Variants in SPIRE2 observed in about 807,000 individuals in gnomAD.
SPIRE2 encodes protein spire homolog 2.
Under a neutral mutation model 80.7 loss-of-function variants are expected in SPIRE2, and 76 were observed. The observed-to-expected ratio is 0.94, with a 90% CI of 0.78 to 1.14. The LOEUF (loss-of-function observed/expected upper bound fraction) is 1.14. SPIRE2 is among the 50% of genes most tolerant of loss of function. The pLI is 0.00. For missense variants in SPIRE2, 1,196 were observed against 1,015.3 expected (o/e 1.18, Z -2.42); for synonymous variants, 535 against 432.6 (o/e 1.24, Z -2.94).
At chr16:89,830,734 G>A (rs911921768) in intron 1 of SPIRE2, among the ~76,000 whole-genome samples, 2 of 150,706 alleles carry the variant, frequency 1.3e-5, no homozygotes, top group African/African-American at 4.9e-5. Flanking sequence ...CAGTAGGTGT[G>A]TAAAACCACT....
intron 1 of SPIRE2, among the ~76,000 whole-genome samples, chr16:89,842,430 C>G (rs1028955110): frequency 1.6e-4 from 24 of 151,992 alleles, no homozygotes; most frequent in Non-Finnish European, 3.4e-4. Context: ...CCAGACTGGT[C>G]TTGAACTCCT....
intron 1 of SPIRE2, among the ~76,000 whole-genome samples, chr16:89,843,228 C>T (rs1486804065): frequency 6.6e-6 from 1 of 152,178 alleles, no homozygotes; most frequent in East Asian, 1.9e-4. Context: ...ACTCCTGGCA[C>T]TTATCAGCCC....
intron 1 of SPIRE2, among the ~76,000 whole-genome samples, chr16:89,840,638 T>A (rs1268248339): frequency 1.3e-3 from 29 of 21,928 alleles, no homozygotes; most frequent in Admixed American, 0.01. Flanking sequence ...GTTTTCAAAT[T>A]TTTTTTTTTT....
chr16:89,849,764 A>C (rs2041603191), intron 2 of SPIRE2: 1 of 246,466 alleles, frequency 4.1e-6, no homozygotes, highest in South Asian at 4.3e-5. Flanking sequence ...GGTCCCTGTC[A>C]AGTAAAATCG....
intron 9 of SPIRE2, among the ~76,000 whole-genome samples, chr16:89,860,347 C>A (rs567175693): frequency 6.6e-6 from 1 of 152,240 alleles, no homozygotes. Context: ...CAGCCTTGGC[C>A]TCCTGGGCTC....
chr16:89,833,129 T>A (rs1465479612), intron 1 of SPIRE2, among the ~76,000 whole-genome samples: 1 of 152,060 alleles, frequency 6.6e-6, no homozygotes, highest in Non-Finnish European at 1.5e-5. Flanking sequence ...GTAGCTGGGA[T>A]TACAGGCATG....
intron 1 of SPIRE2, among the ~76,000 whole-genome samples, chr16:89,844,704 C>T (rs1030139913): frequency 6.6e-5 from 10 of 152,190 alleles, no homozygotes; most frequent in Non-Finnish European, 1.5e-4. Flanking sequence ...TCCCAAAGTG[C>T]CGGGATTACA....
intron 1 of SPIRE2, among the ~76,000 whole-genome samples, chr16:89,831,808 G>A (rs1307838427): frequency 6.6e-6 from 1 of 151,028 alleles, no homozygotes; most frequent in Non-Finnish European, 1.5e-5. Flanking sequence ...CCTTCTGCCC[G>A]GCTCTCAGGC....
rs1260547218 is a variant in SPIRE2, at chr16:89,870,246, A to G, written c.2119A>G (p.Asn707Asp). The change falls in exon 15 of 15, where the codon AAC (asparagine) becomes GAC (aspartate). Residue 707 changes from asparagine (N) to aspartate (D), a missense_variant. Asn to Asp is a conservative substitution (Grantham distance 23). Coordinates refer to ENST00000378247, the MANE Select transcript of SPIRE2 (RefSeq NM_032451.2). ...SRQTQSLYIP[N>D]TRTLDFK The stretch of plus-strand genomic sequence containing the variant: ...CCAGACCCAATCCCTCTACATCCCT[A>G]ACACCAGGACTCTTGACTTCAAGTG... 1 of 1,601,294 alleles carries G rather than the reference A, an allele frequency of 6.2e-7. No individual in the cohort carries two copies. The highest frequency in any genetic ancestry group is 8.5e-7 in the Non-Finnish European group (1 of 1,174,342).
In SPIRE2 at chr16:89,854,610, C is replaced by T. The variant is rs751578348; in HGVS notation, c.850C>T (p.Gln284Ter). 6.3e-6 allele frequency: 10 copies of T among 1,595,578 alleles called. No individual in the cohort carries two copies. The highest frequency in any genetic ancestry group is 6.0e-6 in the Non-Finnish European group (7 of 1,169,020). Residue 284 changes from glutamine to a stop codon, truncating the protein, a stop_gained, in exon 5 of 15, where the codon CAG (glutamine) becomes TAG (stop). Coordinates refer to ENST00000378247, the MANE Select transcript of SPIRE2 (RefSeq NM_032451.2). LOFTEE classifies it high-confidence loss of function. The part of the protein sequence containing the change: ...FQLTPFEMLM[Q>*]DIRARNYKLR... Reference sequence around the variant, plus strand: ...GCTCACGCCCTTCGAGATGCTGATGCAGGACATCCGGGCCCGGAACTACAA... The same window carrying T: ...GCTCACGCCCTTCGAGATGCTGATGTAGGACATCCGGGCCCGGAACTACAA...
At chr16:89,835,381 A>G (rs1229189707) in intron 1 of SPIRE2, among the ~76,000 whole-genome samples, 1 of 152,118 alleles carries the variant, frequency 6.6e-6, no homozygotes, top group African/African-American at 2.4e-5. Flanking sequence ...CCCCGTCCTC[A>G]CTGCCACCTT....
Position 89,848,186 on chromosome 16 carries a change from G to T in SPIRE2, c.289-2118G>T, listed in dbSNP as rs374149841. Reference sequence around the variant, plus strand: ...CGCCCTCTGTCACTGTGCCCAGGAGGGGCCCTCAGATTCCTCTCTGGAGGT... The same window carrying T: ...CGCCCTCTGTCACTGTGCCCAGGAGTGGCCCTCAGATTCCTCTCTGGAGGT... On this transcript the variant is annotated intron_variant, in intron 2 of 14. Coordinates refer to ENST00000378247, the MANE Select transcript of SPIRE2 (RefSeq NM_032451.2). Among the ~76,000 whole-genome samples the T allele has an allele frequency of 1.5e-3, 230 of 152,348 alleles. 8 individuals carry two copies. The South Asian group carries it at 0.046, about 30-fold the overall frequency.
chr16:89,837,521 T>C (rs1666197214), intron 1 of SPIRE2, among the ~76,000 whole-genome samples: 1 of 152,234 alleles, frequency 6.6e-6, no homozygotes, highest in Non-Finnish European at 1.5e-5. Flanking sequence ...TCTCAGCTGC[T>C]GCCTTTCTGC....
intron 12 of SPIRE2, among the ~76,000 whole-genome samples, chr16:89,865,751 G>C (rs1300812945): frequency 2.0e-5 from 3 of 151,348 alleles, no homozygotes; most frequent in Non-Finnish European, 4.4e-5. Flanking sequence ...GGCAGATCAC[G>C]AGGTCGGGAG....
At chr16:89,850,039 T>G (rs2041606482) in intron 2 of SPIRE2, 5 of 572,814 alleles carry the variant, frequency 8.7e-6, no homozygotes, top group Non-Finnish European at 1.6e-5. Context: ...GGTTTCATCA[T>G]GTTGGTCAGG....
At chr16:89,838,516 T>C (rs2041473093) in intron 1 of SPIRE2, among the ~76,000 whole-genome samples, 1 of 151,986 alleles carries the variant, frequency 6.6e-6, no homozygotes. Flanking sequence ...GATTTCTCTG[T>C]TTCATCAGCG....
intron 14 of SPIRE2, 110 bp downstream of exon 14, chr16:89,869,792 G>C: frequency 1.2e-6 from 1 of 829,602 alleles, no homozygotes; most frequent in Non-Finnish European, 2.0e-6. Flanking sequence ...GACACCCCAA[G>C]GAAATGGAAA....
intron 1 of SPIRE2, among the ~76,000 whole-genome samples, chr16:89,843,068 C>T (rs2041519083): frequency 6.6e-6 from 1 of 152,234 alleles, no homozygotes; most frequent in African/African-American, 2.4e-5. Flanking sequence ...AGCTGGAGCT[C>T]TTGTTCTAGC....
rs779531262 is a variant in SPIRE2 at position 89,854,301 on chromosome 16, C to T, written c.661C>T (p.Arg221Trp). ...REAKEMLQKL[R>W]EDEPHLETPR... ...GTGGTCACAGATGCTGCAGAAGCTT[C>T]GGGAGGACGAGCCGCATCTGGAGAC... Residue 221 changes from arginine to tryptophan, a missense_variant, in exon 4 of 15, where the codon CGG (arginine) becomes TGG (tryptophan). Physicochemically the swap from Arg to Trp is moderately radical, Grantham distance 101. Transcript: ENST00000378247. 2.3e-5 allele frequency: 37 copies of T among 1,611,566 alleles called. 1 individual carries two copies. The highest frequency in any genetic ancestry group is 2.8e-5 in the Non-Finnish European group (33 of 1,179,556).
Sources: gnomAD v4.1 joint callset for allele counts (sites outside exome capture counted in the v4.1 genomes callset) on GRCh38, gnomAD v4.1.1 for gene constraint, MANE v1.5 for transcripts, NCBI Gene and HGNC (gene_info 2026-07-23, HGNC 2026-07-21) for gene names.